Variants in THEMIS observed in about 807,000 individuals in gnomAD.
THEMIS encodes protein THEMIS.
A neutral mutation model predicts 52.6 loss-of-function variants in THEMIS; 37 were observed. The ratio of observed to expected loss-of-function variants is 0.70; its 90% confidence interval spans 0.54 to 0.93. The LOEUF (loss-of-function observed/expected upper bound fraction) is 0.93, where lower values mean the gene tolerates loss of function less well. THEMIS is among the 40% of genes least tolerant of loss of function. The pLI, the probability that THEMIS is intolerant of heterozygous loss-of-function variation, is 0.00. For missense variants in THEMIS, 808 were observed against 763.1 expected (o/e 1.06, Z -0.69); for synonymous variants, 292 against 272.7 (o/e 1.07, Z -0.70).
At chr6:127,812,831 A>AT in intron 4 of THEMIS, 52 bp downstream of exon 4, 1 of 1,499,832 alleles carries the variant, frequency 6.7e-7, no homozygotes. Flanking sequence ...CTTGAAACAA[A>AT]TTGCCTGAAG....
intron 2 of THEMIS, among the ~76,000 whole-genome samples, chr6:127,848,247 C>T (rs1010083164): frequency 6.6e-6 from 1 of 151,892 alleles, no homozygotes; most frequent in African/African-American, 2.4e-5. Flanking sequence ...CTACAAAGGA[C>T]ATGAACTCAT....
chr6:127,840,787 C>T (rs1309237936), intron 2 of THEMIS, among the ~76,000 whole-genome samples: 1 of 152,018 alleles, frequency 6.6e-6, no homozygotes, highest in African/African-American at 2.4e-5. Context: ...TGACTTATTA[C>T]ATCATGAAAA....
intron 4 of THEMIS, among the ~76,000 whole-genome samples, chr6:127,778,293 A>G (rs1776631200): frequency 6.6e-6 from 1 of 152,172 alleles, no homozygotes; most frequent in Non-Finnish European, 1.5e-5. Context: ...TGAATTTGGA[A>G]CTGAATTGGA....
chr6:127,887,009 T>TC (rs968905663), intron 1 of THEMIS, among the ~76,000 whole-genome samples: 17 of 139,834 alleles, frequency 1.2e-4, no homozygotes, highest in East Asian at 8.4e-4. Context: ...CTCCCCTACC[T>TC]CCCCCCCCAA....
chr6:127,836,187 A>G (rs1778869088), intron 2 of THEMIS, among the ~76,000 whole-genome samples: 1 of 152,170 alleles, frequency 6.6e-6, no homozygotes, highest in Non-Finnish European at 1.5e-5. Context: ...GAATGTTAGT[A>G]GAAAGAGTTT....
intron 1 of THEMIS, among the ~76,000 whole-genome samples, chr6:127,915,452 T>C (rs757084894): frequency 2.0e-5 from 3 of 152,166 alleles, no homozygotes; most frequent in Non-Finnish European, 4.4e-5. Context: ...ACAGGCCTTG[T>C]TCGGGCCTAT....
At chr6:127,721,081 C>T (rs543494640) in intron 4 of THEMIS, among the ~76,000 whole-genome samples, 1 of 151,968 alleles carries the variant, frequency 6.6e-6, no homozygotes, top group Admixed American at 6.6e-5. Context: ...CATTCCTTAA[C>T]TTCCACTATG....
chr6:127,736,600 C>T (rs1375250519), intron 4 of THEMIS, among the ~76,000 whole-genome samples: 1 of 152,032 alleles, frequency 6.6e-6, no homozygotes, highest in Non-Finnish European at 1.5e-5. Flanking sequence ...CATAGAGGAA[C>T]CATAAATCTA....
chr6:127,779,179 C>A (rs1026828159), intron 4 of THEMIS, among the ~76,000 whole-genome samples: 1 of 152,124 alleles, frequency 6.6e-6, no homozygotes, highest in Non-Finnish European at 1.5e-5. Flanking sequence ...CTCTAAGTGC[C>A]TGATCTCACT....
intron 3 of THEMIS, among the ~76,000 whole-genome samples, chr6:127,818,065 G>A (rs371853624): frequency 6.6e-6 from 1 of 152,084 alleles, no homozygotes; most frequent in Non-Finnish European, 1.5e-5. Context: ...AACTATCATG[G>A]GGGAAGGGAA....
At chr6:127,723,379 T>A (rs9401994) in intron 4 of THEMIS, among the ~76,000 whole-genome samples, 1 of 152,156 alleles carries the variant, frequency 6.6e-6, no homozygotes, top group East Asian at 1.9e-4. Flanking sequence ...CTCTGAGTGC[T>A]TATTCTTAGT....
rs185208794 is a variant in THEMIS at position 127,780,094 on chromosome 6, C to G, written c.1758+32789G>C. On this transcript the variant is annotated intron_variant, in intron 4 of 5. Coordinates refer to ENST00000368248, the MANE Select transcript of THEMIS (RefSeq NM_001010923.3). ...AATCTGGGTGATCCTGTATTGGGTG[C>G]ATATATATTTAGGATAGTAGCTCTT... 7.9e-5 allele frequency among the ~76,000 whole-genome samples: 12 copies of G among 152,226 alleles called. No individual in the cohort carries two copies. The East Asian group carries it at 2.3e-3, about 29-fold the overall frequency.
At chr6:127,871,650 A>G (rs536346422) in intron 1 of THEMIS, among the ~76,000 whole-genome samples, 3 of 152,168 alleles carry the variant, frequency 2.0e-5, no homozygotes, top group Non-Finnish European at 4.4e-5. Flanking sequence ...CAAAAATGTA[A>G]TAAGGGAATC....
chr6:127,702,154 C>G, the THEMIS span, among the ~76,000 whole-genome samples: 2 of 151,960 alleles, frequency 1.3e-5, no homozygotes, highest in Admixed American at 6.6e-5. Context: ...TTTTGAAAAT[C>G]TTTTAACTGG....
At chr6:127,804,132 T>C (rs1188568125) in intron 4 of THEMIS, among the ~76,000 whole-genome samples, 2 of 152,040 alleles carry the variant, frequency 1.3e-5, no homozygotes, top group African/African-American at 4.8e-5. Flanking sequence ...AAGACTGAGC[T>C]CAAAGGCACT....
intron 1 of THEMIS, among the ~76,000 whole-genome samples, chr6:127,898,975 G>C (rs1781054624): frequency 1.3e-5 from 2 of 151,788 alleles, no homozygotes; most frequent in African/African-American, 4.8e-5. Flanking sequence ...GAAGGGTAGT[G>C]GGAGGGGGAT....
At chr6:127,789,512 C>T (rs1292278174) in intron 4 of THEMIS, among the ~76,000 whole-genome samples, 1 of 152,122 alleles carries the variant, frequency 6.6e-6, no homozygotes, top group East Asian at 1.9e-4. Context: ...GGACTTCTTC[C>T]TAACTCAGTT....
At chr6:127,706,384 G>C (rs1773798292), downstream of THEMIS, among the ~76,000 whole-genome samples, 1 of 152,026 alleles carries the variant, frequency 6.6e-6, no homozygotes, top group South Asian at 2.1e-4. Flanking sequence ...AGCAGAAGGA[G>C]GCTCACAAAC....
intron 4 of THEMIS, among the ~76,000 whole-genome samples, chr6:127,774,413 G>A (rs1776489302): frequency 6.6e-6 from 1 of 152,080 alleles, no homozygotes; most frequent in Non-Finnish European, 1.5e-5. Context: ...CACCGTGTTA[G>A]CCAGGATGGT....
Sources: gnomAD v4.1 joint callset for allele counts (sites outside exome capture counted in the v4.1 genomes callset) on GRCh38, gnomAD v4.1.1 for gene constraint, MANE v1.5 for transcripts, NCBI Gene and HGNC (gene_info 2026-07-23, HGNC 2026-07-21) for gene names.